Variants in CUBN observed in about 807,000 individuals in gnomAD.
CUBN encodes the protein cubilin, also known as 460 kDa receptor.
A neutral mutation model predicts 405.3 loss-of-function variants in CUBN; 282 were observed. That is an observed-to-expected ratio of 0.70 (90% CI 0.63 to 0.77). The LOEUF (loss-of-function observed/expected upper bound fraction) is 0.77. Among genes scored for constraint, CUBN ranks in the 30% least tolerant of loss-of-function variants. The pLI is 0.00. For synonymous variants in CUBN, 1,684 were observed against 1,617.0 expected, an observed-to-expected ratio of 1.04 and a Z score of -0.99; for missense variants, 4,514 against 4,475.2, an observed-to-expected ratio of 1.01 and a Z score of -0.25.
chr10:16,939,972 T>C, intron 37 of CUBN, 60 bp downstream of exon 37: 1 of 1,331,626 alleles, frequency 7.5e-7, no homozygotes, highest in Admixed American at 1.7e-5. Flanking sequence ...CTGAGAAAAT[T>C]ATTATTTCTA....
chr10:16,837,731 G>A (rs1278278343), intron 62 of CUBN, among the ~76,000 whole-genome samples: 3 of 151,990 alleles, frequency 2.0e-5, no homozygotes, highest in Admixed American at 6.6e-5. Context: ...GATACCCCGA[G>A]AATCCCAGTT....
At chr10:16,939,969 AATT>A (rs1842609017) in intron 37 of CUBN, 60 bp downstream of exon 37, 2 of 1,326,400 alleles carry the variant, frequency 1.5e-6, no homozygotes, top group African/African-American at 2.9e-5. Context: ...TTACTGAGAA[AATT>A]ATTATTTCTA....
rs1362430901 is a variant in CUBN, at chr10:17,084,330, T to C, written c.2242A>G (p.Ile748Val). ...TGCAGCTCCACGTGGGTGAAGTTGA[T>C]TTGTATTTGTTCTCCCTGGGGCTGC... Reference protein sequence around the residue: ...MKQPQGEQIQINFTHVELQCQ... With the variant: ...MKQPQGEQIQVNFTHVELQCQ... The change falls in exon 17 of 67, where the codon ATC (isoleucine) becomes GTC (valine). Residue 748 changes from isoleucine (I) to valine (V), a missense_variant. Physicochemically the swap from Ile to Val is conservative, Grantham distance 29 (BLOSUM62 3). Coordinates refer to ENST00000377833, the MANE Select transcript of CUBN (RefSeq NM_001081.4). The C allele has an allele frequency of 6.2e-7, 1 of 1,614,098 alleles. No individual in the cohort carries two copies.
Position 17,124,428 on chromosome 10 carries a change from A to AT in CUBN, c.388-740dup, listed in dbSNP as rs369167825. ...TTTTTTCTTTTTTCTTTTCTTTTTG[A>AT]TTTTTTTTTCTTTTTTTTGAGACGG... On this transcript the variant is annotated intron_variant, in intron 4 of 66. Coordinates refer to ENST00000377833, the MANE Select transcript of CUBN (RefSeq NM_001081.4). Among the ~76,000 whole-genome samples, 197 of 145,890 alleles carry AT rather than the reference A, an allele frequency of 1.4e-3. 4 individuals carry two copies. The East Asian group carries it at 0.03, about 22-fold the overall frequency.
At chr10:16,948,914 C>T (rs920271626) in intron 34 of CUBN, among the ~76,000 whole-genome samples, 3 of 152,086 alleles carry the variant, frequency 2.0e-5, no homozygotes, top group African/African-American at 7.2e-5. Context: ...CCAGTCGGAC[C>T]CATACAAATA....
At chr10:17,021,799 T>C (rs1048962248) in intron 27 of CUBN, among the ~76,000 whole-genome samples, 3 of 152,200 alleles carry the variant, frequency 2.0e-5, no homozygotes, top group African/African-American at 7.2e-5. Flanking sequence ...CCCTTGCTTT[T>C]CATCTGTGCT....
At chr10:17,017,356 C>T (rs1834353976) in intron 28 of CUBN, among the ~76,000 whole-genome samples, 1 of 152,136 alleles carries the variant, frequency 6.6e-6, no homozygotes, top group Non-Finnish European at 1.5e-5. Flanking sequence ...TCCTAGACCA[C>T]AAGGAGGACC....
intron 54 of CUBN, among the ~76,000 whole-genome samples, chr10:16,897,318 G>C (rs942698406): frequency 1.5e-5 from 1 of 68,090 alleles, no homozygotes; most frequent in Non-Finnish European, 3.4e-5. Flanking sequence ...TGTTTACCAC[G>C]TGCCTTGCAC....
chr10:16,934,874 C>T lies in CUBN; in HGVS notation c.5927-1590G>A, dbSNP rs114401468. On this transcript the variant is annotated intron_variant, in intron 39 of 66. Coordinates refer to ENST00000377833, the MANE Select transcript of CUBN (RefSeq NM_001081.4). ...GATGATGAGAGGCACCCAGTTAACA[C>T]GAGAGGAACATGTAGAAGGAGACCT... is the stretch of plus-strand genomic sequence containing the variant. 7.9e-3 allele frequency among the ~76,000 whole-genome samples: 1,201 copies of T among 152,260 alleles called. 15 individuals are homozygous for T. Among genetic ancestry groups the T allele is most frequent in the African/African-American group, 0.028 (1,147 of 41,546 alleles).
At chr10:17,116,647 T>C (rs188815213) in intron 6 of CUBN, among the ~76,000 whole-genome samples, 1 of 152,334 alleles carries the variant, frequency 6.6e-6, no homozygotes, top group Admixed American at 6.5e-5. Context: ...TTAGTAATGT[T>C]CATGGATGAC....
At position 16,948,597 on chromosome 10, in the gene CUBN, C is replaced by A. The variant is rs1199148096; in HGVS notation, c.5090G>T (p.Cys1697Phe). 2 of 1,613,696 alleles carry A rather than the reference C, an allele frequency of 1.2e-6. No individual in the cohort carries two copies. Among genetic ancestry groups the A allele is most frequent in the Non-Finnish European group, 1.7e-6 (2 of 1,179,876 alleles). Residue 1697 changes from cysteine (C) to phenylalanine (F), a missense_variant, in exon 35 of 67, where the codon TGT becomes TTT. By Grantham distance (205) the Cys-to-Phe change is radical. Coordinates refer to ENST00000377833, the MANE Select transcript of CUBN (RefSeq NM_001081.4). ...GATAGGATGGGGCATGTCGGTGCCACAGTAACGGCCTAAATAATGAAGATA... is the reference window on the plus strand; with the variant it reads ...GATAGGATGGGGCATGTCGGTGCCAAAGTAACGGCCTAAATAATGAAGATA... ...HEDAPLRGRY[C>F]GTDMPHPITS... is the part of the protein sequence containing the mutation.
At chr10:16,943,668 A>G (rs1378140213) in intron 36 of CUBN, among the ~76,000 whole-genome samples, 2 of 152,220 alleles carry the variant, frequency 1.3e-5, no homozygotes, top group Non-Finnish European at 2.9e-5. Flanking sequence ...CAAAGTGCAT[A>G]ATCCAGCAAC....
intron 6 of CUBN, among the ~76,000 whole-genome samples, chr10:17,118,766 ACAGG>A (rs1564522551): frequency 6.6e-6 from 1 of 152,220 alleles, no homozygotes; most frequent in Non-Finnish European, 1.5e-5. Flanking sequence ...AACAGGGTTA[ACAGG>A]CAAAATATAT....
intron 64 of CUBN, among the ~76,000 whole-genome samples, chr10:16,834,377 C>T (rs1271453657): frequency 2.0e-5 from 3 of 152,080 alleles, no homozygotes; most frequent in Non-Finnish European, 2.9e-5. Context: ...GGGCTTCTCT[C>T]TCAGTGTGTC....
rs769830502 is a variant in CUBN, at chr10:16,954,480, G to A, written c.4764C>T (p.Asn1588=). The A allele has an allele frequency of 3.1e-6, 5 of 1,614,094 alleles. No individual in the cohort carries two copies. The highest frequency in any genetic ancestry group is 4.2e-6 in the Non-Finnish European group (5 of 1,180,024). ...ARTCGREQLA[N]PIVSSGNSLF... Reference sequence around the variant, plus strand: ...GGCTGTTTCCTGAGGAGACGATGGGGTTAGCCAGCTGCTCCCTTCCACACG... The same window carrying A: ...GGCTGTTTCCTGAGGAGACGATGGGATTAGCCAGCTGCTCCCTTCCACACG... The change falls in exon 32 of 67, where the codon AAC becomes AAT. Residue 1588 remains asparagine, a synonymous_variant. Coordinates refer to ENST00000377833, the MANE Select transcript of CUBN (RefSeq NM_001081.4).
At chr10:17,074,253 T>C (rs912868949) in intron 17 of CUBN, among the ~76,000 whole-genome samples, 8 of 152,188 alleles carry the variant, frequency 5.3e-5, no homozygotes, top group Non-Finnish European at 1.0e-4. Context: ...GGATACTTCA[T>C]TGTTACCTAA....
chr10:17,009,434 C>T (rs1834117268), intron 28 of CUBN, among the ~76,000 whole-genome samples: 1 of 152,216 alleles, frequency 6.6e-6, no homozygotes, highest in South Asian at 2.1e-4. Flanking sequence ...CCAGAATATT[C>T]AGCACATTGG....
rs141862773 is a variant in CUBN at position 16,953,206 on chromosome 10, A to ACAGTC, written c.4856-822_4856-818dup. On this transcript the variant is annotated intron_variant, in intron 32 of 66. Transcript: ENST00000377833. Reference sequence around the variant, plus strand: ...GGTAGGTGACTTTCAGGAGGTTGTTACAGTCCGGATGAAAGCTAGCAGGGA... The same window carrying ACAGTC: ...GGTAGGTGACTTTCAGGAGGTTGTTACAGTCCAGTCCGGATGAAAGCTAGCAGGGA... 5.2e-3 allele frequency among the ~76,000 whole-genome samples: 795 copies of ACAGTC among 152,326 alleles called. 4 individuals are homozygous for ACAGTC. Among genetic ancestry groups the ACAGTC allele is most frequent in the African/African-American group, 0.018 (740 of 41,562 alleles).
At chr10:17,068,895 C>T (rs1484270200) in intron 19 of CUBN, 125 bp from the exon 20 acceptor site, 2 of 811,552 alleles carry the variant, frequency 2.5e-6, no homozygotes, top group African/African-American at 3.5e-5. Flanking sequence ...TCAATTTTAG[C>T]ACATTTTAGT....
Sources: allele counts gnomAD v4.1 joint callset (sites outside exome capture counted in the v4.1 genomes callset), GRCh38; gene constraint gnomAD v4.1.1; transcripts MANE v1.5; gene names NCBI Gene and HGNC (gene_info 2026-07-23, HGNC 2026-07-21).